The following FSTL5 variants were observed in gnomAD, a reference collection of about 807,000 sequenced individuals.
The protein encoded by FSTL5 is follistatin-related protein 5.
In FSTL5, 62 loss-of-function variants were observed where a neutral mutation model predicts 89.1. The observed-to-expected ratio is 0.70, with a 90% confidence interval of 0.57 to 0.86. The LOEUF (loss-of-function observed/expected upper bound fraction) is 0.86, where lower values mean the gene tolerates loss of function less well. Ranked by LOEUF, FSTL5 falls within the 40% of genes least tolerant of loss-of-function variation. The pLI is 0.00. For missense variants in FSTL5, 1,057 were observed against 1,001.6 expected, an observed-to-expected ratio of 1.06 and a Z score of -0.75; for synonymous variants, 383 against 346.2, an observed-to-expected ratio of 1.11 and a Z score of -1.18.
chr4:161,610,049 T>C (rs1188331548), intron 7 of FSTL5, among the ~76,000 whole-genome samples: 1 of 152,142 alleles, frequency 6.6e-6, no homozygotes, highest in Non-Finnish European at 1.5e-5. Flanking sequence ...ATCTGAGTAG[T>C]ACGTGTATGT....
chr4:162,133,509 A>G (rs974786016), intron 1 of FSTL5, among the ~76,000 whole-genome samples: 3 of 151,520 alleles, frequency 2.0e-5, no homozygotes, highest in Admixed American at 1.3e-4. Context: ...CGTGTTTTTC[A>G]TTTTGTTTTG....
chr4:161,940,609 A>G (rs1436487100), intron 3 of FSTL5, among the ~76,000 whole-genome samples: 1 of 151,926 alleles, frequency 6.6e-6, no homozygotes, highest in Non-Finnish European at 1.5e-5. Flanking sequence ...TAGTTGGAAG[A>G]TAAGTTTAAC....
chr4:161,738,161 A>G (rs1363729756), intron 6 of FSTL5, among the ~76,000 whole-genome samples: 2 of 152,086 alleles, frequency 1.3e-5, no homozygotes, highest in African/African-American at 4.8e-5. Flanking sequence ...TTTACTATTA[A>G]TAAACTACGT....
intron 4 of FSTL5, among the ~76,000 whole-genome samples, chr4:161,828,718 T>G (rs544976380): frequency 6.9e-4 from 105 of 152,294 alleles, no homozygotes; most frequent in African/African-American, 1.9e-3. Flanking sequence ...TGATATTTAA[T>G]AAATAATAGA....
intron 3 of FSTL5, among the ~76,000 whole-genome samples, chr4:162,021,954 G>A (rs1307797112): frequency 6.6e-6 from 1 of 152,052 alleles, no homozygotes; most frequent in Non-Finnish European, 1.5e-5. Context: ...AGGTAGGTGT[G>A]GTGGCGGGTG....
chr4:161,424,443 G>C (rs1396975685), intron 15 of FSTL5, among the ~76,000 whole-genome samples: 1 of 150,186 alleles, frequency 6.7e-6, no homozygotes, highest in Non-Finnish European at 1.5e-5. Flanking sequence ...TTGAGGAACA[G>C]GAAAAGAATT....
intron 1 of FSTL5, among the ~76,000 whole-genome samples, chr4:162,124,792 C>T (rs971870458): frequency 1.3e-5 from 2 of 152,120 alleles, no homozygotes; most frequent in Non-Finnish European, 2.9e-5. Flanking sequence ...CTCGGCCCTC[C>T]GGGTTCACGC....
chr4:161,895,182 C>T (rs1026477835), intron 4 of FSTL5, among the ~76,000 whole-genome samples: 12 of 152,164 alleles, frequency 7.9e-5, no homozygotes, highest in African/African-American at 2.9e-4. Context: ...AACTTACTCT[C>T]GTGCCCCTTG....
At chr4:162,143,258 C>T (rs920708538) in intron 1 of FSTL5, among the ~76,000 whole-genome samples, 3 of 151,866 alleles carry the variant, frequency 2.0e-5, no homozygotes, top group Non-Finnish European at 4.4e-5. Context: ...TAAAAACTAA[C>T]TTGTAAAGAT....
chr4:161,665,379 GC>G (rs1736854936), intron 6 of FSTL5, among the ~76,000 whole-genome samples: 1 of 151,900 alleles, frequency 6.6e-6, no homozygotes, highest in Non-Finnish European at 1.5e-5. Context: ...GACTACAGGC[GC>G]CCGCTACCTC....
chr4:161,886,731 G>T (rs1255947199), intron 4 of FSTL5, among the ~76,000 whole-genome samples: 1 of 152,070 alleles, frequency 6.6e-6, no homozygotes, highest in Non-Finnish European at 1.5e-5. Flanking sequence ...TACTCTGAAA[G>T]GTCCACCAGG....
rs1730480360 is a variant in FSTL5, at chr4:161,506,287, G to C, written c.1339+4111C>G. ...AGGTTTTTGCTATATTGCCTAGGCT[G>C]TTCTCAAACTCCTGGCCTCAAGCAA... On this transcript the variant is annotated intron_variant, in intron 11 of 15. Transcript: ENST00000306100. 2.7e-5 allele frequency among the ~76,000 whole-genome samples: 4 copies of C among 150,478 alleles called. No individual in the cohort carries two copies. In the Admixed American group the frequency reaches 2.7e-4, roughly 10 times the overall value.
intron 1 of FSTL5, among the ~76,000 whole-genome samples, chr4:162,141,348 C>T (rs886806750): frequency 1.1e-5 from 1 of 87,616 alleles, no homozygotes; most frequent in Non-Finnish European, 2.7e-5. Flanking sequence ...ATCTCCTGAC[C>T]TCGTGATCCG....
chr4:161,474,749 GT>G (rs895981217), intron 13 of FSTL5, among the ~76,000 whole-genome samples: 48 of 152,034 alleles, frequency 3.2e-4, no homozygotes, highest in African/African-American at 1.1e-3. Flanking sequence ...GTTCCACCAT[GT>G]TGGCCAGGAT....
intron 15 of FSTL5, among the ~76,000 whole-genome samples, chr4:161,450,824 G>T (rs537874420): frequency 6.2e-4 from 91 of 147,344 alleles, no homozygotes; most frequent in Non-Finnish European, 1.1e-3. Flanking sequence ...CTTACTGCAA[G>T]ATCCACCCTC....
intron 7 of FSTL5, among the ~76,000 whole-genome samples, chr4:161,633,654 C>T (rs919964350): frequency 1.3e-5 from 2 of 151,928 alleles, no homozygotes; most frequent in Non-Finnish European, 2.9e-5. Context: ...CTAGCTTCCC[C>T]TTTTATTCAG....
chr4:161,882,778 T>C (rs1198493921), intron 4 of FSTL5, among the ~76,000 whole-genome samples: 1 of 152,136 alleles, frequency 6.6e-6, no homozygotes, highest in African/African-American at 2.4e-5. Flanking sequence ...GAATAATTAT[T>C]TTACAGAACT....
chr4:162,101,503 C>T (rs1396260292), intron 2 of FSTL5, among the ~76,000 whole-genome samples: 1 of 152,038 alleles, frequency 6.6e-6, no homozygotes, highest in Non-Finnish European at 1.5e-5. Flanking sequence ...ATCTGGGTTC[C>T]ATTCTCGGCT....
intron 6 of FSTL5, among the ~76,000 whole-genome samples, chr4:161,757,382 A>T (rs1740611395): frequency 6.6e-6 from 1 of 151,958 alleles, no homozygotes; most frequent in South Asian, 2.1e-4. Context: ...ACACACACAC[A>T]CACACATTAT....
Sources: allele counts gnomAD v4.1 joint callset (sites outside exome capture counted in the v4.1 genomes callset), GRCh38; gene constraint gnomAD v4.1.1; transcripts MANE v1.5; gene names NCBI Gene and HGNC (gene_info 2026-07-23, HGNC 2026-07-21).